Variants in PRNP observed in about 807,000 individuals in gnomAD.
The protein encoded by PRNP is major prion protein.
Under a neutral mutation model 21.3 loss-of-function variants are expected in PRNP, and 15 were observed. The observed-to-expected ratio is 0.71, with a 90% confidence interval of 0.47 to 1.09. The LOEUF is 1.09. PRNP is among the 50% of genes least tolerant of loss of function. PRNP has a pLI of 0.00. For synonymous variants in PRNP, 121 were observed against 123.1 expected, an observed-to-expected ratio of 0.98 and a Z score of 0.11; for missense variants, 285 against 340.9, an observed-to-expected ratio of 0.84 and a Z score of 1.29.
At chr20:4,690,705 A>G (rs917631217) in intron 1 of PRNP, among the ~76,000 whole-genome samples, 2 of 152,204 alleles carry the variant, frequency 1.3e-5, no homozygotes, top group South Asian at 2.1e-4. Flanking sequence ...AGATAAGATT[A>G]TATGTATTGT....
chr20:4,694,540 C>G (rs1279107613), intron 1 of PRNP, among the ~76,000 whole-genome samples: 1 of 151,904 alleles, frequency 6.6e-6, no homozygotes, highest in East Asian at 1.9e-4. Flanking sequence ...GCCTATTTCC[C>G]CTTATAGAGA....
rs1922232936 is a variant in PRNP at position 4,697,369 on chromosome 20, A to G, written c.-10-1842A>G. Among the ~76,000 whole-genome samples the G allele has an allele frequency of 6.6e-6, 1 of 152,214 alleles. No homozygotes were observed. The highest frequency in any genetic ancestry group is 2.1e-4 in the South Asian group (1 of 4,832). On this transcript the variant is annotated intron_variant, in intron 1 of 1. Coordinates refer to ENST00000379440, the MANE Select transcript of PRNP (RefSeq NM_000311.5). The surrounding 1 kb of genome is among the most constrained non-coding windows in gnomAD (Gnocchi z 4.6). ...CCTAAAGGAGCCTGCACTCCCGTGG[A>G]GAACATGAATAATAAGCACAGAGGA...
At chr20:4,695,545 T>C (rs1240806276) in intron 1 of PRNP, among the ~76,000 whole-genome samples, 1 of 146,464 alleles carries the variant, frequency 6.8e-6, no homozygotes, top group Non-Finnish European at 1.5e-5. Flanking sequence ...TCTTTGCTAT[T>C]GTGGATAGTT....
chr20:4,693,758 C>G (rs1921977853), intron 1 of PRNP, among the ~76,000 whole-genome samples: 1 of 152,002 alleles, frequency 6.6e-6, no homozygotes, highest in Admixed American at 6.5e-5. Context: ...GTGTGTTAAG[C>G]TAATCAATAA....
intron 1 of PRNP, among the ~76,000 whole-genome samples, chr20:4,693,306 C>T (rs1921950249): frequency 6.6e-6 from 1 of 152,140 alleles, no homozygotes; most frequent in Non-Finnish European, 1.5e-5. Flanking sequence ...TCTCCATTCC[C>T]TTTCTTGTCC....
At position 4,700,125 on chromosome 20, in the gene PRNP, G is replaced by C. The variant is rs1450282742; in HGVS notation, c.*143G>C. The C allele has an allele frequency of 1.9e-6, 3 of 1,549,154 alleles. No individual in the cohort carries two copies. The highest frequency in any genetic ancestry group is 2.6e-6 in the Non-Finnish European group (3 of 1,146,434). On this transcript the variant is annotated 3_prime_UTR_variant, in exon 2 of 2. Transcript: ENST00000379440. The surrounding 1 kb of genome is among the most constrained non-coding windows in gnomAD (Gnocchi z 4.1). ...TAGGCTAATCAATACCCTTGGCACT[G>C]ATGGGCACTGGAAAACATAGAGTAG...
At chr20:4,687,698 T>A (rs1921565676) in intron 1 of PRNP, among the ~76,000 whole-genome samples, 1 of 152,224 alleles carries the variant, frequency 6.6e-6, no homozygotes, top group African/African-American at 2.4e-5. Flanking sequence ...CACAACACAG[T>A]GCAGTTTCAC....
intron 1 of PRNP, among the ~76,000 whole-genome samples, chr20:4,687,206 C>A (rs1029022442): frequency 2.6e-5 from 4 of 152,226 alleles, no homozygotes; most frequent in Non-Finnish European, 4.4e-5. Flanking sequence ...CCGTTGCCAC[C>A]GCCTGGAGAA....
Position 4,699,848 on chromosome 20 carries a change from G to A in PRNP, c.628G>A (p.Val210Ile), listed in dbSNP as rs74315407. Residue 210 changes from valine (V) to isoleucine (I), a missense_variant, in exon 2 of 2, where the codon GTT becomes ATT. Physicochemically the swap from Val to Ile is conservative, Grantham distance 29. Coordinates refer to ENST00000379440, the MANE Select transcript of PRNP (RefSeq NM_000311.5). This position sits in a 1 kb window ranked among gnomAD's most constrained non-coding sequence, Gnocchi z 5.8. Reference protein sequence around the residue: ...ETDVKMMERVVEQMCITQYER... With the variant: ...ETDVKMMERVIEQMCITQYER... ...CGACGTTAAGATGATGGAGCGCGTG[G>A]TTGAGCAGATGTGTATCACCCAGTA... 7.4e-6 allele frequency: 12 copies of A among 1,613,712 alleles called. No homozygotes were observed. The highest frequency in any genetic ancestry group is 1.0e-5 in the Non-Finnish European group (12 of 1,179,986).
rs757915962 is a variant in PRNP, at chr20:4,699,189, C to A, written c.-10-22C>A. On this transcript the variant is annotated intron_variant, in intron 1 of 1. Transcript: ENST00000379440. The surrounding 1 kb of genome is among the most constrained non-coding windows in gnomAD (Gnocchi z 5.8). ...TTTCAACATAAATATGGGACTCTGA[C>A]GTTCTCCTCTTCATTTTGCAGAGCA... The A allele has an allele frequency of 6.2e-7, 1 of 1,612,586 alleles. No homozygotes were observed.
In PRNP at chr20:4,699,845, G is replaced by A. The variant is rs758820257; in HGVS notation, c.625G>A (p.Val209Met). ...GACCGACGTTAAGATGATGGAGCGCGTGGTTGAGCAGATGTGTATCACCCA... is the reference window on the plus strand; with the variant it reads ...GACCGACGTTAAGATGATGGAGCGCATGGTTGAGCAGATGTGTATCACCCA... Reference protein sequence around the residue: ...TETDVKMMERVVEQMCITQYE... With the variant: ...TETDVKMMERMVEQMCITQYE... Residue 209 changes from valine (V) to methionine (M), a missense_variant, in exon 2 of 2, where the codon GTG (valine) becomes ATG (methionine). Coordinates refer to ENST00000379440, the MANE Select transcript of PRNP (RefSeq NM_000311.5). The surrounding 1 kb of genome is among the most constrained non-coding windows in gnomAD (Gnocchi z 5.8). 1.1e-5 allele frequency: 17 copies of A among 1,613,590 alleles called. No homozygotes were observed. Among genetic ancestry groups the A allele is most frequent in the South Asian group, 2.2e-5 (2 of 91,042 alleles).
In PRNP at chr20:4,700,267, C is replaced by T. The variant is rs758052749; in HGVS notation, c.*285C>T. ...TGGTTAATCTGGACTTATTTTTGGACTTAGTGCAACAGGTTGAGGCTAAAA... is the reference window on the plus strand; with the variant it reads ...TGGTTAATCTGGACTTATTTTTGGATTTAGTGCAACAGGTTGAGGCTAAAA... On this transcript the variant is annotated 3_prime_UTR_variant, in exon 2 of 2. Coordinates refer to ENST00000379440, the MANE Select transcript of PRNP (RefSeq NM_000311.5). This position sits in a 1 kb window ranked among gnomAD's most constrained non-coding sequence, Gnocchi z 4.1. 3.5e-5 allele frequency: 32 copies of T among 908,172 alleles called. No homozygotes were observed. Among genetic ancestry groups the T allele is most frequent in the African/African-American group, 5.0e-5 (3 of 60,092 alleles). The allele number at this position is 908,172 out of a possible 1,614,324, so 56.3% of individuals were successfully genotyped here.
chr20:4,698,141 A>G (rs1327676679), intron 1 of PRNP, among the ~76,000 whole-genome samples: 1 of 152,122 alleles, frequency 6.6e-6, no homozygotes, highest in East Asian at 1.9e-4. Flanking sequence ...AGGCCTGCAA[A>G]GAACCTGCAC....
At chr20:4,689,040 T>G (rs1279458182) in intron 1 of PRNP, among the ~76,000 whole-genome samples, 1 of 152,266 alleles carries the variant, frequency 6.6e-6, no homozygotes, top group Non-Finnish European at 1.5e-5. Context: ...TCCATTTTTT[T>G]AGTTGATTAA....
Position 4,700,319 on chromosome 20 carries a change from T to A in PRNP, c.*337T>A. On this transcript the variant is annotated 3_prime_UTR_variant, in exon 2 of 2. Coordinates refer to ENST00000379440, the MANE Select transcript of PRNP (RefSeq NM_000311.5). This position sits in a 1 kb window ranked among gnomAD's most constrained non-coding sequence, Gnocchi z 4.1. ...AAATCTCAGAACAGTCTGAAATACC[T>A]TTGCCTGGATACCTCTGGCTCCTTC... is the stretch of plus-strand genomic sequence containing the variant. 1 of 509,694 alleles carries A rather than the reference T, an allele frequency of 2.0e-6. No homozygotes were observed. Among genetic ancestry groups the A allele is most frequent in the Non-Finnish European group, 3.6e-6 (1 of 275,578 alleles). The allele number at this position is 509,694 out of a possible 1,614,324, so 31.6% of individuals were successfully genotyped here. A position where few individuals can be genotyped will look rare whatever the true frequency, so the allele number is the denominator to read the frequency against.
chr20:4,688,545 GAAAC>G (rs1032210825), intron 1 of PRNP, among the ~76,000 whole-genome samples: 1 of 152,158 alleles, frequency 6.6e-6, no homozygotes, highest in African/African-American at 2.4e-5. Context: ...TGCAATGGAA[GAAAC>G]AAACAAACAA....
Position 4,699,968 on chromosome 20 carries a change from CT to C in PRNP, c.749del (p.Leu250ArgfsTer2). ...CCTCCTGATCTCTTTCCTCATCTTC[CT>C]GATAGTGGGATGAGGAAGGTCTTCC... The part of the protein sequence containing the change: ...VILLISFLIF[L>X]IVG On this transcript the variant is annotated frameshift_variant, in exon 2 of 2. Coordinates refer to ENST00000379440, the MANE Select transcript of PRNP (RefSeq NM_000311.5). LOFTEE classifies it high-confidence loss of function. This position sits in a 1 kb window ranked among gnomAD's most constrained non-coding sequence, Gnocchi z 5.8. The C allele has an allele frequency of 6.2e-7, 1 of 1,611,806 alleles. No individual in the cohort carries two copies. Among genetic ancestry groups the C allele is most frequent in the Admixed American group, 1.7e-5 (1 of 59,702 alleles).
intron 1 of PRNP, among the ~76,000 whole-genome samples, chr20:4,693,942 C>CAAAA (rs34756298): frequency 2.8e-3 from 346 of 124,352 alleles, no homozygotes; most frequent in African/African-American, 8.0e-3. Flanking sequence ...ATTAAAAATA[C>CAAAA]AAAAAAAAAA....
chr20:4,694,655 C>G (rs143783853), intron 1 of PRNP, among the ~76,000 whole-genome samples: 1,570 of 151,880 alleles, frequency 0.01, 12 homozygotes, highest in Middle Eastern at 0.017. Flanking sequence ...CGATTTTCAT[C>G]TCTATTATTA....
Sources: gnomAD v4.1 joint callset for allele counts (sites outside exome capture counted in the v4.1 genomes callset) on GRCh38, gnomAD v4.1.1 for gene constraint, Gnocchi (gnomAD v3.1) non-coding constraint, MANE v1.5 for transcripts, NCBI Gene and HGNC (gene_info 2026-07-23, HGNC 2026-07-21) for gene names.